The following CCDC102B variants were observed in gnomAD, a reference collection of about 807,000 sequenced individuals.
CCDC102B encodes the protein coiled-coil domain containing 102B.
Under a neutral mutation model 57.4 loss-of-function variants are expected in CCDC102B, and 75 were observed. The ratio of observed to expected loss-of-function variants is 1.31; its 90% CI spans 1.08 to 1.58. The LOEUF (loss-of-function observed/expected upper bound fraction) is 1.58, where lower values mean the gene tolerates loss of function less well. CCDC102B is among the 40% of genes most tolerant of loss of function. CCDC102B has a pLI of 0.00. For synonymous variants in CCDC102B, 206 were observed against 201.9 expected, an observed-to-expected ratio of 1.02 and a Z score of -0.17; for missense variants, 636 against 582.6, an observed-to-expected ratio of 1.09 and a Z score of -0.94.
chr18:68,846,941 G>A (rs767200071), intron 4 of CCDC102B, among the ~76,000 whole-genome samples: 70 of 151,858 alleles, frequency 4.6e-4, no homozygotes, highest in Admixed American at 9.2e-4. Flanking sequence ...CCACTTGCCA[G>A]GGTACTTTTC....
At chr18:69,022,225 C>T (rs886914154) in intron 7 of CCDC102B, among the ~76,000 whole-genome samples, 13 of 114,436 alleles carry the variant, frequency 1.1e-4, no homozygotes, top group Middle Eastern at 4.7e-3. Flanking sequence ...ATATATATAA[C>T]ACACACACAC....
At chr18:68,971,211 C>G (rs747700372) in intron 6 of CCDC102B, among the ~76,000 whole-genome samples, 3 of 151,942 alleles carry the variant, frequency 2.0e-5, no homozygotes, top group Admixed American at 6.6e-5. Flanking sequence ...AGTACGTAGA[C>G]TTAAGTGTGC....
At chr18:68,959,030 T>C (rs891292158) in intron 6 of CCDC102B, among the ~76,000 whole-genome samples, 6 of 152,088 alleles carry the variant, frequency 3.9e-5, no homozygotes, top group African/African-American at 1.4e-4. Flanking sequence ...TTTAGTGAGG[T>C]CATGTTTTCT....
At chr18:68,924,283 G>A (rs1171381014) in intron 6 of CCDC102B, among the ~76,000 whole-genome samples, 1 of 152,034 alleles carries the variant, frequency 6.6e-6, no homozygotes, top group African/African-American at 2.4e-5. Flanking sequence ...ACCAGGTGGA[G>A]GTAATTGAAT....
chr18:69,027,375 C>T (rs2052021141), intron 7 of CCDC102B, among the ~76,000 whole-genome samples: 1 of 152,126 alleles, frequency 6.6e-6, no homozygotes, highest in African/African-American at 2.4e-5. Flanking sequence ...CATTTTCCAA[C>T]TCTCTTGATT....
At chr18:68,834,911 A>G (rs901318924) in intron 1 of CCDC102B, among the ~76,000 whole-genome samples, 3 of 152,000 alleles carry the variant, frequency 2.0e-5, no homozygotes, top group Admixed American at 2.0e-4. Context: ...GTGATTTATG[A>G]TCTGTAACTA....
Position 68,874,654 on chromosome 18 carries a change from A to C in CCDC102B, c.937-15A>C. 1 of 1,525,766 alleles carries C rather than the reference A, an allele frequency of 6.6e-7. No homozygotes were observed. The highest frequency in any genetic ancestry group is 9.1e-7 in the Non-Finnish European group (1 of 1,100,962). 94.5% of individuals were successfully genotyped at this position (1,525,766 alleles called of 1,614,324 possible). A position where few individuals can be genotyped will look rare whatever the true frequency, so the allele number is the denominator to read the frequency against. ...TATAGCATCCTGTGATTGTAATTTC[A>C]ACTTTCTTTTTCAGTTTGACATTCT... On this transcript the variant is annotated splice_polypyrimidine_tract_variant and intron_variant, in intron 4 of 7. Coordinates refer to ENST00000360242, the MANE Select transcript of CCDC102B (RefSeq NM_024781.3).
rs111633659 is a variant in CCDC102B at position 69,009,312 on chromosome 18, G to A, written c.1264-1622G>A. On this transcript the variant is annotated intron_variant, in intron 6 of 7. Coordinates refer to ENST00000360242, the MANE Select transcript of CCDC102B (RefSeq NM_024781.3). The stretch of plus-strand genomic sequence containing the variant: ...GCAGACAGATCTAGGCGTCCCTTAC[G>A]CCCAGATTGTGATGAGAACATTCTC... Among the ~76,000 whole-genome samples, 671 of 151,954 alleles carry A rather than the reference G, an allele frequency of 4.4e-3. 3 individuals are homozygous for A. Among genetic ancestry groups the A allele is most frequent in the Non-Finnish European group, 7.6e-3 (517 of 67,988 alleles).
intron 6 of CCDC102B, 55 bp downstream of exon 6, chr18:68,897,483 C>T (rs1035561658): frequency 9.0e-6 from 14 of 1,561,560 alleles, no homozygotes; most frequent in Admixed American, 3.3e-5. Context: ...CTGATGCCTA[C>T]GCAGAGTCTG....
chr18:68,946,401 G>T (rs1025345564), intron 6 of CCDC102B, among the ~76,000 whole-genome samples: 60 of 152,060 alleles, frequency 3.9e-4, no homozygotes, highest in African/African-American at 1.4e-3. Flanking sequence ...ATGATCTATA[G>T]TGTGTGAATA....
At chr18:68,967,226 C>T (rs567452723) in intron 6 of CCDC102B, among the ~76,000 whole-genome samples, 1 of 152,204 alleles carries the variant, frequency 6.6e-6, no homozygotes, top group African/African-American at 2.4e-5. Context: ...CATATAGAGA[C>T]TCTCTACCAG....
intron 1 of CCDC102B, among the ~76,000 whole-genome samples, chr18:68,835,973 T>C (rs1356943199): frequency 2.6e-5 from 4 of 152,136 alleles, no homozygotes; most frequent in South Asian, 2.1e-4. Context: ...TCATGGAAAA[T>C]GTAGACTATG....
chr18:68,924,794 T>C (rs2041420074), intron 6 of CCDC102B, among the ~76,000 whole-genome samples: 1 of 152,064 alleles, frequency 6.6e-6, no homozygotes, highest in African/African-American at 2.4e-5. Context: ...ACTGAAGAAA[T>C]AAATTATCCT....
chr18:68,785,037 T>C (rs1389465886), intron 2 of CCDC102B, among the ~76,000 whole-genome samples: 1 of 142,274 alleles, frequency 7.0e-6, no homozygotes, highest in South Asian at 2.2e-4. Context: ...TCCATGTGAT[T>C]TCATTGTTCA....
At chr18:68,846,132 A>C (rs964892259) in intron 3 of CCDC102B, among the ~76,000 whole-genome samples, 181 bp from the exon 4 acceptor site, 1 of 151,910 alleles carries the variant, frequency 6.6e-6, no homozygotes, top group Non-Finnish European at 1.5e-5. Flanking sequence ...TCAGAATAAT[A>C]AACTAAAATA....
chr18:68,892,521 G>A (rs1240462793), intron 5 of CCDC102B, among the ~76,000 whole-genome samples: 2 of 152,214 alleles, frequency 1.3e-5, no homozygotes, highest in Admixed American at 1.3e-4. Context: ...ATAAGTCTAA[G>A]CCTCTTTATT....
intron 6 of CCDC102B, among the ~76,000 whole-genome samples, chr18:68,959,228 C>A (rs1478553566): frequency 6.6e-6 from 1 of 152,152 alleles, no homozygotes; most frequent in Non-Finnish European, 1.5e-5. Context: ...TAGGGGGTAT[C>A]CCAAATCCAG....
chr18:68,806,733 A>T (rs1054706611), intron 1 of CCDC102B, among the ~76,000 whole-genome samples: 4 of 151,886 alleles, frequency 2.6e-5, no homozygotes, highest in Admixed American at 6.6e-5. Context: ...TTAAAAAATG[A>T]ACATGTGAAA....
intron 1 of CCDC102B, among the ~76,000 whole-genome samples, chr18:68,808,629 C>A (rs909227912): frequency 4.6e-5 from 7 of 151,970 alleles, no homozygotes; most frequent in African/African-American, 1.7e-4. Flanking sequence ...AGGCGCCCGC[C>A]ACCACGCCCG....
Sources: allele counts gnomAD v4.1 joint callset (sites outside exome capture counted in the v4.1 genomes callset), GRCh38; gene constraint gnomAD v4.1.1; transcripts MANE v1.5; gene names NCBI Gene and HGNC (gene_info 2026-07-23, HGNC 2026-07-21).